SPTY2D1: variants seen among roughly 807,000 people sequenced by gnomAD.
SPTY2D1 encodes the protein SPT2 chromatin protein domain containing 1.
Under a neutral mutation model 64.0 loss-of-function variants are expected in SPTY2D1, and 21 were observed. The observed-to-expected ratio is 0.33, with a 90% CI of 0.23 to 0.47. SPTY2D1 has a LOEUF of 0.47. Ranked by LOEUF, SPTY2D1 falls within the 20% of genes least tolerant of loss-of-function variation. SPTY2D1 has a pLI of 1.00. For missense variants in SPTY2D1, 724 were observed against 837.2 expected (o/e 0.86, Z 1.67); for synonymous variants, 287 against 286.8 (o/e 1.00, Z -0.01).
rs563355073 is a variant in SPTY2D1, at chr11:18,624,703, G to A, written c.61-7714C>T. Among the ~76,000 whole-genome samples, 394 of 152,300 alleles carry A rather than the reference G, an allele frequency of 2.6e-3. 2 individuals carry two copies. The highest frequency in any genetic ancestry group is 8.8e-3 in the African/African-American group (366 of 41,562). On this transcript the variant is annotated intron_variant, in intron 1 of 5. Transcript: ENST00000336349. ...GACTACTGTATGTTATGTTGGAATC[G>A]ATAGTCAATCCCTGGCCAGGCGTGA...
chr11:18,634,189 G>C lies in SPTY2D1; in HGVS notation c.60+9C>G. The C allele has an allele frequency of 6.2e-7, 1 of 1,614,170 alleles. No individual in the cohort carries two copies. ...GGTCCCCTACATTGATGCCCCAGCTGCTACTTACCGGCACATTGTTGACAC... is the reference window on the plus strand; with the variant it reads ...GGTCCCCTACATTGATGCCCCAGCTCCTACTTACCGGCACATTGTTGACAC... On this transcript the variant is annotated intron_variant, in intron 1 of 5. Transcript: ENST00000336349.
chr11:18,611,898 A>T (rs1185557193), intron 4 of SPTY2D1, among the ~76,000 whole-genome samples: 1 of 152,152 alleles, frequency 6.6e-6, no homozygotes, highest in Non-Finnish European at 1.5e-5. Flanking sequence ...TATTTTATAT[A>T]TAATAATCTA....
chr11:18,634,023 C>T (rs1854629016), intron 1 of SPTY2D1, among the ~76,000 whole-genome samples, 175 bp downstream of exon 1: 1 of 152,170 alleles, frequency 6.6e-6, no homozygotes, highest in South Asian at 2.1e-4. Context: ...GCGTCTCGTC[C>T]CAAGCTCTTT....
intron 1 of SPTY2D1, among the ~76,000 whole-genome samples, chr11:18,622,620 A>G (rs903475687): frequency 6.6e-6 from 1 of 152,120 alleles, no homozygotes. Flanking sequence ...GTTGACCTTT[A>G]AACATGGTAG....
intron 1 of SPTY2D1, 103 bp downstream of exon 1, chr11:18,634,095 C>T (rs1317359020): frequency 7.6e-7 from 1 of 1,322,292 alleles, no homozygotes; most frequent in African/African-American, 1.5e-5. Flanking sequence ...GGTCTTTCCT[C>T]TCCCGGAGCC....
chr11:18,616,732 GACACACACACAC>G (rs72301459), intron 2 of SPTY2D1, 131 bp downstream of exon 2: 66 of 487,682 alleles, frequency 1.4e-4, no homozygotes, highest in Non-Finnish European at 1.5e-4. Flanking sequence ...AGTTAACCTG[GACACACACACAC>G]ACACACACAC....
At chr11:18,631,525 C>T (rs1422071876) in intron 1 of SPTY2D1, among the ~76,000 whole-genome samples, 1 of 150,452 alleles carries the variant, frequency 6.6e-6, no homozygotes, top group Non-Finnish European at 1.5e-5. Context: ...CCACTGCACT[C>T]CAGCCTGGGC....
Position 18,615,237 on chromosome 11 carries a change from G to C in SPTY2D1, c.1037C>G (p.Ser346Cys). 6.2e-7 allele frequency: 1 copy of C among 1,614,210 alleles called. No individual in the cohort carries two copies. The highest frequency in any genetic ancestry group is 1.1e-5 in the South Asian group (1 of 91,086). ...CCCAGGCCTGGAATGGCTAGGATGG[G>C]ACAGAGATTTTTTGGCTTTGTGCTC... is the stretch of plus-strand genomic sequence containing the variant. Reference protein sequence around the residue: ...AVEHKAKKSLSHPSHSRPGPM... With the variant: ...AVEHKAKKSLCHPSHSRPGPM... The change falls in exon 3 of 6, where the codon TCC (serine) becomes TGC (cysteine). Residue 346 changes from serine to cysteine, a missense_variant. Ser to Cys is a moderately radical substitution (Grantham distance 112). Around this residue, in one of 3 missense-constraint regions of SPTY2D1, gnomAD observed 426 missense variants for 431.8 expected, o/e 0.99. Coordinates refer to ENST00000336349, the MANE Select transcript of SPTY2D1 (RefSeq NM_194285.3).
rs1051664805 is a variant in SPTY2D1 at position 18,611,410 on chromosome 11, T to C, written c.1964+67A>G. 16 of 1,415,010 alleles carry C rather than the reference T, an allele frequency of 1.1e-5. 1 individual carries two copies. Among genetic ancestry groups the C allele is most frequent in the Admixed American group, 1.0e-4 (6 of 59,210 alleles). The allele number at this position is 1,415,010 out of a possible 1,614,324, so 87.7% of individuals were successfully genotyped here. A position where few individuals can be genotyped will look rare whatever the true frequency, so the allele number is the denominator to read the frequency against. ...AAAGCCCCAGTTCCCAATGGTGCAA[T>C]TGTAGCAATAAGCAGAAAGGAATTT... On this transcript the variant is annotated intron_variant, in intron 5 of 5. Coordinates refer to ENST00000336349, the MANE Select transcript of SPTY2D1 (RefSeq NM_194285.3).
chr11:18,606,716 T>C lies in SPTY2D1; in HGVS notation c.*3145A>G, dbSNP rs1350275085. On this transcript the variant is annotated 3_prime_UTR_variant, in exon 6 of 6. Coordinates refer to ENST00000336349, the MANE Select transcript of SPTY2D1 (RefSeq NM_194285.3). ...AAAACAACCAGTCTCTCTTCATATATTTATTCTCTTTCCAAACATGTTTTG... is the reference window on the plus strand; with the variant it reads ...AAAACAACCAGTCTCTCTTCATATACTTATTCTCTTTCCAAACATGTTTTG... 1 of 404,984 alleles carries C rather than the reference T, an allele frequency of 2.5e-6. No homozygotes were observed. The highest frequency in any genetic ancestry group is 4.7e-6 in the Non-Finnish European group (1 of 211,662). 25.1% of individuals were successfully genotyped at this position (404,984 alleles called of 1,614,324 possible).
At chr11:18,623,618 T>C (rs537313821) in intron 1 of SPTY2D1, among the ~76,000 whole-genome samples, 1 of 152,206 alleles carries the variant, frequency 6.6e-6, no homozygotes. Context: ...CATCCAATCA[T>C]GCCAATGAAG....
At chr11:18,610,013 A>C in intron 5 of SPTY2D1, 59 bp from the exon 6 acceptor site, 1 of 1,473,520 alleles carries the variant, frequency 6.8e-7, no homozygotes, top group Non-Finnish European at 9.4e-7. Flanking sequence ...ACTTTCCTTA[A>C]AAAGAATGAA....
At chr11:18,610,682 A>AC (rs1407091893) in intron 5 of SPTY2D1, among the ~76,000 whole-genome samples, 2 of 150,912 alleles carry the variant, frequency 1.3e-5, no homozygotes, top group East Asian at 3.9e-4. Flanking sequence ...AAAAAAAAAA[A>AC]AAAAAACAAC....
Position 18,609,073 on chromosome 11 carries a change from TC to T in SPTY2D1, c.*787del, listed in dbSNP as rs1430862196. On this transcript the variant is annotated 3_prime_UTR_variant, in exon 6 of 6. Transcript: ENST00000336349. Reference sequence around the variant, plus strand: ...TCTAATGTTTGAATAAAATATTTTTTCTTCGATATAAAAATGAATTTTTTTA... The same window carrying T: ...TCTAATGTTTGAATAAAATATTTTTTTTCGATATAAAAATGAATTTTTTTA... 6.6e-6 allele frequency: 1 copy of T among 152,316 alleles called. No individual in the cohort carries two copies. The highest frequency in any genetic ancestry group is 1.5e-5 in the Non-Finnish European group (1 of 68,042). 9.4% of individuals were successfully genotyped at this position (152,316 alleles called of 1,614,324 possible). A position where few individuals can be genotyped will look rare whatever the true frequency, so the allele number is the denominator to read the frequency against.
rs981658359 is a variant in SPTY2D1 at position 18,607,444 on chromosome 11, T to G, written c.*2417A>C. 10 of 152,622 alleles carry G rather than the reference T, an allele frequency of 6.6e-5. No homozygotes were observed. Among genetic ancestry groups the G allele is most frequent in the African/African-American group, 1.7e-4 (7 of 41,442 alleles). 9.5% of individuals were successfully genotyped at this position (152,622 alleles called of 1,614,324 possible). On this transcript the variant is annotated 3_prime_UTR_variant, in exon 6 of 6. Coordinates refer to ENST00000336349, the MANE Select transcript of SPTY2D1 (RefSeq NM_194285.3). ...CCACACCCATGATCATGTAACATTA[T>G]TACAATCATGAAATATTACTACATT...
rs1445708941 is a variant in SPTY2D1 at position 18,609,049 on chromosome 11, CTAA to C, written c.*809_*811del. ...TTTATAAACTATTACTCTTTCAAAT[CTAA>C]TGTTTGAATAAAATATTTTTTCTTC... On this transcript the variant is annotated 3_prime_UTR_variant, in exon 6 of 6. Coordinates refer to ENST00000336349, the MANE Select transcript of SPTY2D1 (RefSeq NM_194285.3). 1 of 152,236 alleles carries C rather than the reference CTAA, an allele frequency of 6.6e-6. No homozygotes were observed. The allele number at this position is 152,236 out of a possible 1,614,324, so 9.4% of individuals were successfully genotyped here.
chr11:18,613,500 C>T lies in SPTY2D1; in HGVS notation c.1712-1012G>A, dbSNP rs182357136. Among the ~76,000 whole-genome samples the T allele has an allele frequency of 2.5e-3, 375 of 152,284 alleles. 2 individuals are homozygous for T. The highest frequency in any genetic ancestry group is 1.5e-3 in the Non-Finnish European group (103 of 68,028). ...TAATTCTTTGCTGTCAGGGGGCTAT[C>T]CCATGCATTGTTTGTCAGCAGCATC... On this transcript the variant is annotated intron_variant, in intron 3 of 5. Transcript: ENST00000336349.
In SPTY2D1 at chr11:18,606,664, G is replaced by A; in HGVS notation, c.*3197C>T. The A allele has an allele frequency of 2.5e-6, 1 of 396,154 alleles. No homozygotes were observed. Among genetic ancestry groups the A allele is most frequent in the South Asian group, 1.9e-5 (1 of 53,306 alleles). The allele number at this position is 396,154 out of a possible 1,614,324, so 24.5% of individuals were successfully genotyped here. A position where few individuals can be genotyped will look rare whatever the true frequency, so the allele number is the denominator to read the frequency against. ...ACATCCACTCAGAAAATAAATAGTAGTCTAATATATTCAATACATTGAAAA... is the reference window on the plus strand; with the variant it reads ...ACATCCACTCAGAAAATAAATAGTAATCTAATATATTCAATACATTGAAAA... On this transcript the variant is annotated 3_prime_UTR_variant, in exon 6 of 6. Coordinates refer to ENST00000336349, the MANE Select transcript of SPTY2D1 (RefSeq NM_194285.3).
Position 18,634,222 on chromosome 11 carries a change from C to G in SPTY2D1, c.36G>C (p.Lys12Asn). Reference protein sequence around the residue: ...DFREILMIASKGQGVNNVPKR... With the variant: ...DFREILMIASNGQGVNNVPKR... ...CCGGCACATTGTTGACACCTTGTCCCTTGGAAGCTATCATGAGAATTTCTC... is the reference window on the plus strand; with the variant it reads ...CCGGCACATTGTTGACACCTTGTCCGTTGGAAGCTATCATGAGAATTTCTC... Residue 12 changes from lysine to asparagine, a missense_variant, in exon 1 of 6, where the codon AAG (lysine) becomes AAC (asparagine). By Grantham distance (94) the Lys-to-Asn change is moderately conservative. Coordinates refer to ENST00000336349, the MANE Select transcript of SPTY2D1 (RefSeq NM_194285.3). 1 of 1,614,222 alleles carries G rather than the reference C, an allele frequency of 6.2e-7. No homozygotes were observed. Among genetic ancestry groups the G allele is most frequent in the Non-Finnish European group, 8.5e-7 (1 of 1,180,046 alleles).
Sources: allele counts gnomAD v4.1 joint callset (sites outside exome capture counted in the v4.1 genomes callset), GRCh38; gene constraint gnomAD v4.1.1; regional missense constraint gnomAD v4.1.1; transcripts MANE v1.5; gene names NCBI Gene and HGNC (gene_info 2026-07-23, HGNC 2026-07-21).